SOS2: variants seen among roughly 807,000 people sequenced by gnomAD.
SOS2 encodes the protein son of sevenless homolog 2.
SOS2 carries 65 observed loss-of-function variants against 148.2 expected under a neutral mutation model. The ratio of observed to expected loss-of-function variants is 0.44; its 90% confidence interval spans 0.36 to 0.54. SOS2 has a LOEUF of 0.54. SOS2 is among the 20% of genes least tolerant of loss of function. The pLI, the probability that SOS2 is intolerant of heterozygous loss-of-function variation, is 0.00. For synonymous variants in SOS2, 539 were observed against 537.1 expected, an observed-to-expected ratio of 1.00 and a Z score of -0.05; for missense variants, 1,341 against 1,590.2, an observed-to-expected ratio of 0.84 and a Z score of 2.67.
chr14:50,135,201 C>T (rs1884036512), intron 18 of SOS2, among the ~76,000 whole-genome samples: 1 of 151,796 alleles, frequency 6.6e-6, no homozygotes, highest in Admixed American at 6.6e-5. Flanking sequence ...TGGCTCACAC[C>T]TGTAATCCTA....
intron 21 of SOS2, among the ~76,000 whole-genome samples, chr14:50,121,386 C>G: frequency 6.6e-6 from 1 of 152,162 alleles, no homozygotes; most frequent in East Asian, 1.9e-4. Context: ...AACACAGGCG[C>G]TAACTGGGAA....
At chr14:50,142,010 CT>C (rs143071093) in intron 16 of SOS2, among the ~76,000 whole-genome samples, 259 of 142,958 alleles carry the variant, frequency 1.8e-3, no homozygotes, top group African/African-American at 2.8e-3. Context: ...ATTAATATTT[CT>C]TTTTTTTTTT....
intron 16 of SOS2, among the ~76,000 whole-genome samples, chr14:50,143,428 T>C (rs753905415): frequency 6.6e-6 from 1 of 151,904 alleles, no homozygotes; most frequent in East Asian, 1.9e-4. Flanking sequence ...TAAATACATA[T>C]TCAACCTCAC....
rs141534451 is a variant in SOS2, at chr14:50,228,073, G to A, written c.87+3124C>T. On this transcript the variant is annotated intron_variant, in intron 1 of 22. Transcript: ENST00000216373. Reference sequence around the variant, plus strand: ...TTTTTTTTTTTTGAGATGGAGTCTCGCTCTGTCGCCCAGGATGGAGTGCAG... The same window carrying A: ...TTTTTTTTTTTTGAGATGGAGTCTCACTCTGTCGCCCAGGATGGAGTGCAG... Among the ~76,000 whole-genome samples the A allele has an allele frequency of 5.5e-3, 818 of 147,718 alleles. 6 individuals are homozygous for A. The highest frequency in any genetic ancestry group is 0.019 in the African/African-American group (760 of 39,880).
Position 50,188,711 on chromosome 14 carries a change from G to T in SOS2, c.511-11C>A. On this transcript the variant is annotated splice_polypyrimidine_tract_variant and intron_variant, in intron 4 of 22. Coordinates refer to ENST00000216373, the MANE Select transcript of SOS2 (RefSeq NM_006939.4). ...CATGTCCATCAAAACCTGAGAAACA[G>T]AAATCAATAATGTATAAATTTATTT... The T allele has an allele frequency of 6.5e-7, 1 of 1,549,396 alleles. No individual in the cohort carries two copies. The highest frequency in any genetic ancestry group is 8.8e-7 in the Non-Finnish European group (1 of 1,138,432).
chr14:50,126,893 T>C (rs1883695627), intron 21 of SOS2, among the ~76,000 whole-genome samples: 1 of 123,328 alleles, frequency 8.1e-6, no homozygotes, highest in South Asian at 2.7e-4. Flanking sequence ...AAAGGGCTCA[T>C]TAAGTAGATG....
At chr14:50,231,697 G>T (rs984204033), upstream of SOS2, 6 of 164,788 alleles carry the variant, frequency 3.6e-5, no homozygotes, top group African/African-American at 7.2e-5. Flanking sequence ...CGGCGGCGGC[G>T]GCTGCTCGTC....
At chr14:50,152,923 C>T (rs1884706074) in intron 13 of SOS2, 147 bp downstream of exon 13, 1 of 452,912 alleles carries the variant, frequency 2.2e-6, no homozygotes. Context: ...TGAGATGGCA[C>T]CACTGCACTC....
At chr14:50,178,700 A>G (rs1269500524) in intron 7 of SOS2, among the ~76,000 whole-genome samples, 5 of 50,738 alleles carry the variant, frequency 9.9e-5, no homozygotes, top group East Asian at 7.3e-4. Flanking sequence ...ATATATATAT[A>G]TATATATATA....
intron 5 of SOS2, among the ~76,000 whole-genome samples, 169 bp downstream of exon 5, chr14:50,188,328 G>A (rs1362179382): frequency 6.6e-6 from 1 of 152,074 alleles, no homozygotes; most frequent in East Asian, 1.9e-4. Flanking sequence ...GCTTGAACCC[G>A]GGAGGTGGAG....
intron 5 of SOS2, among the ~76,000 whole-genome samples, chr14:50,186,070 T>C (rs1230707343): frequency 2.0e-5 from 3 of 152,140 alleles, no homozygotes; most frequent in African/African-American, 4.8e-5. Flanking sequence ...AAACATAGGA[T>C]GAGGGGCAAA....
At chr14:50,193,931 G>A (rs1453426195) in intron 4 of SOS2, among the ~76,000 whole-genome samples, 1 of 152,100 alleles carries the variant, frequency 6.6e-6, no homozygotes, top group Admixed American at 6.6e-5. Context: ...TTTTAGTAGA[G>A]ATGGGGTTTC....
chr14:50,144,770 T>C (rs1677515536), intron 16 of SOS2, among the ~76,000 whole-genome samples: 1 of 152,156 alleles, frequency 6.6e-6, no homozygotes, highest in African/African-American at 2.4e-5. Flanking sequence ...TCTTCCCGTG[T>C]TATACTATTG....
chr14:50,218,469 G>A (rs1372738075), intron 1 of SOS2, among the ~76,000 whole-genome samples: 1 of 151,404 alleles, frequency 6.6e-6, no homozygotes, highest in Non-Finnish European at 1.5e-5. Flanking sequence ...GGTGCAGTGA[G>A]CTGAGATTGT....
chr14:50,221,487 C>T (rs1887200187), intron 1 of SOS2, among the ~76,000 whole-genome samples: 2 of 152,156 alleles, frequency 1.3e-5, no homozygotes, highest in Admixed American at 1.3e-4. Context: ...AGATCTCTCA[C>T]TTATCTTGAA....
intron 3 of SOS2, among the ~76,000 whole-genome samples, 164 bp downstream of exon 3, chr14:50,200,789 T>C (rs1886461267): frequency 1.3e-5 from 2 of 152,222 alleles, no homozygotes; most frequent in South Asian, 4.1e-4. Context: ...ATAATCATTT[T>C]GTATACATAT....
intron 4 of SOS2, among the ~76,000 whole-genome samples, chr14:50,197,576 A>G (rs1461446211): frequency 1.1e-5 from 1 of 94,062 alleles, no homozygotes; most frequent in Non-Finnish European, 2.1e-5. Context: ...AGGTTATAGA[A>G]GTTAAGGGAG....
chr14:50,129,298 G>C (rs780423569), intron 21 of SOS2, among the ~76,000 whole-genome samples: 15 of 152,168 alleles, frequency 9.9e-5, no homozygotes, highest in Non-Finnish European at 2.2e-4. Flanking sequence ...GATTTGAAAA[G>C]GGTAAGGAAG....
At chr14:50,131,146 A>G (rs1021261898) in intron 19 of SOS2, among the ~76,000 whole-genome samples, 9 of 152,208 alleles carry the variant, frequency 5.9e-5, no homozygotes, top group African/African-American at 9.6e-5. Context: ...TCAGAAAAAA[A>G]AAAGATCATT....
Sources: gnomAD v4.1 joint callset for allele counts (sites outside exome capture counted in the v4.1 genomes callset) on GRCh38, gnomAD v4.1.1 for gene constraint, MANE v1.5 for transcripts, NCBI Gene and HGNC (gene_info 2026-07-23, HGNC 2026-07-21) for gene names.